The following ELAVL4 variants were observed in gnomAD, a reference collection of about 807,000 sequenced individuals.
ELAVL4 encodes the protein ELAV-like protein 4.
In ELAVL4, 1 loss-of-function variant was observed where a neutral mutation model predicts 35.6. The ratio of observed to expected loss-of-function variants is 0.03; its 90% CI spans 0.01 to 0.13. The LOEUF (loss-of-function observed/expected upper bound fraction) is 0.13, where lower values mean the gene tolerates loss of function less well. ELAVL4 is among the 10% of genes least tolerant of loss of function. The probability of loss-of-function intolerance (pLI) is 1.00; values close to 1 mark genes in which losing one functional copy is unlikely to be tolerated. For synonymous variants in ELAVL4, 156 were observed against 171.0 expected, an observed-to-expected ratio of 0.91 and a Z score of 0.69; for missense variants, 267 against 464.9, an observed-to-expected ratio of 0.57 and a Z score of 3.91.
chr1:50,071,220 G>C lies in ELAVL4; in HGVS notation c.18+23038G>C, dbSNP rs561008796. On this transcript the variant is annotated intron_variant, in intron 1 of 6. Transcript: ENST00000448907. ...CCTTGTTTTCCTTATACTACTTATT[G>C]CTATCTAAAACTATTTTAATTTTTT... Among the ~76,000 whole-genome samples, 400 of 152,152 alleles carry C rather than the reference G, an allele frequency of 2.6e-3. 3 individuals are homozygous for C. Among genetic ancestry groups the C allele is most frequent in the African/African-American group, 9.3e-3 (388 of 41,504 alleles).
intron 1 of ELAVL4, among the ~76,000 whole-genome samples, chr1:50,088,641 A>G (rs966851275): frequency 6.6e-6 from 1 of 152,228 alleles, no homozygotes; most frequent in African/African-American, 2.4e-5. Flanking sequence ...ACTTCTTGAA[A>G]TCAAAGAAAG....
rs1666648406 is a variant in ELAVL4, at chr1:50,109,194, T to G, written c.5T>G (p.Val2Gly). 1 of 1,612,024 alleles carries G rather than the reference T, an allele frequency of 6.2e-7. No homozygotes were observed. Among genetic ancestry groups the G allele is most frequent in the Non-Finnish European group, 8.5e-7 (1 of 1,179,044 alleles). M[V>G]MIISTMEPQV... Reference sequence around the variant, plus strand: ...ACCCAATATTTGCCAATAAGAATGGTTATGGTAGGTATGACTAGATTTATA... The same window carrying G: ...ACCCAATATTTGCCAATAAGAATGGGTATGGTAGGTATGACTAGATTTATA... The change falls in exon 1 of 7, where the codon GTT (valine) becomes GGT (glycine). Residue 2 changes from valine to glycine, a missense_variant. By Grantham distance (109) the Val-to-Gly change is moderately radical. Coordinates refer to ENST00000371824, the MANE Select transcript of ELAVL4 (RefSeq NM_001144774.3).
chr1:50,200,752 C>T (rs559610703), intron 6 of ELAVL4, 99 bp from the exon 7 acceptor site: 542 of 1,535,052 alleles, frequency 3.5e-4, no homozygotes, highest in Non-Finnish European at 4.5e-4. Flanking sequence ...TGTAAACACT[C>T]ACTCAGCCCT....
intron 1 of ELAVL4, among the ~76,000 whole-genome samples, chr1:50,136,175 C>A (rs1671852324): frequency 6.6e-6 from 1 of 151,958 alleles, no homozygotes; most frequent in African/African-American, 2.4e-5. Flanking sequence ...TTTTTAGTAT[C>A]TTTTAAGGAG....
intron 1 of ELAVL4, among the ~76,000 whole-genome samples, chr1:50,069,289 C>T (rs1664405986): frequency 6.6e-6 from 1 of 152,132 alleles, no homozygotes; most frequent in Non-Finnish European, 1.5e-5. Context: ...CCTCTCTGGC[C>T]TCTATTATTG....
At chr1:50,067,567 G>C (rs1664321356) in intron 1 of ELAVL4, among the ~76,000 whole-genome samples, 4 of 152,076 alleles carry the variant, frequency 2.6e-5, no homozygotes, top group Admixed American at 2.6e-4. Context: ...ACCGATACAG[G>C]GTTTGTATGT....
At chr1:50,104,458 T>G (rs1309930073), upstream of ELAVL4, among the ~76,000 whole-genome samples, 2 of 152,232 alleles carry the variant, frequency 1.3e-5, no homozygotes, top group Non-Finnish European at 2.9e-5. Flanking sequence ...AATTGTCACT[T>G]GAAACTTAAT....
chr1:50,171,165 C>T (rs1048282823), intron 2 of ELAVL4, among the ~76,000 whole-genome samples: 1 of 152,112 alleles, frequency 6.6e-6, no homozygotes, highest in African/African-American at 2.4e-5. Flanking sequence ...CATTGTAAGC[C>T]TCTCAGAGGT....
Position 50,202,934 on chromosome 1 carries a change from G to A in ELAVL4, c.*1756G>A, listed in dbSNP as rs1374403435. ...AACTCAGATTGGGGAAAACAAAACA[G>A]AGCTAAGGGAACAAAATGACTGAGG... On this transcript the variant is annotated 3_prime_UTR_variant, in exon 7 of 7. Coordinates refer to ENST00000371824, the MANE Select transcript of ELAVL4 (RefSeq NM_001144774.3). 1.3e-5 allele frequency: 2 copies of A among 152,122 alleles called. No homozygotes were observed. Among genetic ancestry groups the A allele is most frequent in the Non-Finnish European group, 2.9e-5 (2 of 68,002 alleles). The allele number at this position is 152,122 out of a possible 1,614,324, so 9.4% of individuals were successfully genotyped here.
chr1:50,186,421 A>G (rs1448016259), intron 3 of ELAVL4, among the ~76,000 whole-genome samples: 1 of 152,156 alleles, frequency 6.6e-6, no homozygotes, highest in African/African-American at 2.4e-5. Flanking sequence ...AGTGCCTGGG[A>G]TCTGGGATCA....
chr1:50,103,126 A>G (rs1167490270), upstream of ELAVL4, among the ~76,000 whole-genome samples: 2 of 152,318 alleles, frequency 1.3e-5, no homozygotes, highest in East Asian at 3.9e-4. Context: ...AGGAAGATGA[A>G]GTATGAATCT....
At chr1:50,055,021 T>A (rs1400728605) in intron 1 of ELAVL4, among the ~76,000 whole-genome samples, 3 of 152,214 alleles carry the variant, frequency 2.0e-5, no homozygotes. Context: ...TCTCTCTCTA[T>A]GGGTTCTCTC....
At chr1:50,069,910 G>A (rs1447347202) in intron 1 of ELAVL4, among the ~76,000 whole-genome samples, 3 of 152,166 alleles carry the variant, frequency 2.0e-5, no homozygotes, top group Non-Finnish European at 4.4e-5. Flanking sequence ...GTGTGTTGAA[G>A]ATATTACCTA....
At chr1:50,088,651 G>A (rs971902631) in intron 1 of ELAVL4, among the ~76,000 whole-genome samples, 2 of 152,150 alleles carry the variant, frequency 1.3e-5, no homozygotes, top group Non-Finnish European at 2.9e-5. Flanking sequence ...ATCAAAGAAA[G>A]CCAACTGCTG....
intron 1 of ELAVL4, among the ~76,000 whole-genome samples, chr1:50,119,324 A>C (rs1029608066): frequency 5.9e-5 from 9 of 152,082 alleles, no homozygotes; most frequent in African/African-American, 2.2e-4. Context: ...ATTTTGGAGA[A>C]GGGATGGTAT....
intron 2 of ELAVL4, among the ~76,000 whole-genome samples, chr1:50,160,486 GA>G (rs1193535738): frequency 6.6e-6 from 1 of 152,116 alleles, no homozygotes; most frequent in Non-Finnish European, 1.5e-5. Flanking sequence ...ATCAAACTAA[GA>G]TGTTAGAACA....
intron 1 of ELAVL4, among the ~76,000 whole-genome samples, chr1:50,056,198 G>A (rs1040841744): frequency 1.3e-4 from 20 of 152,186 alleles, no homozygotes; most frequent in African/African-American, 4.8e-4. Context: ...ACTGGAACTA[G>A]TGTTCTAGAA....
chr1:50,133,653 GAA>G (rs1671391442), intron 1 of ELAVL4, among the ~76,000 whole-genome samples: 1 of 116,126 alleles, frequency 8.6e-6, no homozygotes, highest in Non-Finnish European at 1.9e-5. Context: ...GAAAGAAAGA[GAA>G]AGAAAGAAAG....
At chr1:50,158,267 A>G (rs1676097654) in intron 2 of ELAVL4, among the ~76,000 whole-genome samples, 1 of 152,198 alleles carries the variant, frequency 6.6e-6, no homozygotes, top group Non-Finnish European at 1.5e-5. Flanking sequence ...TGGATAAGAA[A>G]GTAACTTATC....
Sources: allele counts gnomAD v4.1 joint callset (sites outside exome capture counted in the v4.1 genomes callset), GRCh38; gene constraint gnomAD v4.1.1; transcripts MANE v1.5; gene names NCBI Gene and HGNC (gene_info 2026-07-23, HGNC 2026-07-21).